The following INSR variants were observed in gnomAD, a reference collection of about 807,000 sequenced individuals.
INSR encodes the protein insulin receptor, also known as IR.
In INSR, 67 loss-of-function variants were observed where a neutral mutation model predicts 142.6. That is an observed-to-expected ratio of 0.47 (90% CI 0.39 to 0.58). The LOEUF is 0.58. Among genes scored for constraint, INSR ranks in the 20% least tolerant of loss-of-function variants. INSR has a pLI of 0.00. For synonymous variants in INSR, 756 were observed against 743.1 expected (o/e 1.02, Z -0.28); for missense variants, 1,248 against 1,833.2 (o/e 0.68, Z 5.83).
chr19:7,282,003 A>G (rs1026045851), intron 1 of INSR, among the ~76,000 whole-genome samples: 1 of 152,202 alleles, frequency 6.6e-6, no homozygotes, highest in Non-Finnish European at 1.5e-5. Flanking sequence ...AGGAGCTTAG[A>G]GCCAGTCTGT....
At chr19:7,117,535 G>A in intron 21 of INSR, 125 bp from the exon 22 acceptor site, 1 of 666,250 alleles carries the variant, frequency 1.5e-6, no homozygotes, top group Non-Finnish European at 2.6e-6. Flanking sequence ...GATGCTGGCT[G>A]TGTGTGTGGA....
chr19:7,148,659 G>T (rs1027245062), intron 11 of INSR, among the ~76,000 whole-genome samples: 1 of 150,192 alleles, frequency 6.7e-6, no homozygotes, highest in African/African-American at 2.5e-5. Context: ...TATATTTCTT[G>T]TAGTAACGGG....
chr19:7,290,271 T>TGGC (rs1968455222), intron 1 of INSR, among the ~76,000 whole-genome samples: 3 of 151,682 alleles, frequency 2.0e-5, no homozygotes, highest in African/African-American at 7.3e-5. Context: ...CCAGGCAGGG[T>TGGC]GGCGTGTGCC....
In INSR at chr19:7,122,721, G is replaced by C. The variant is rs1304803207; in HGVS notation, c.3422C>G (p.Ala1141Gly). Residue 1141 changes from alanine to glycine, a missense_variant, in exon 19 of 22, where the codon GCA becomes GGA. Around this residue, in one of 3 missense-constraint regions of INSR, gnomAD observed 1,069 missense variants for 1,654.0 expected, o/e 0.65. Coordinates refer to ENST00000302850, the MANE Select transcript of INSR (RefSeq NM_000208.4). ...PTLQEMIQMA[A>G]EIADGMAYLN... The stretch of plus-strand genomic sequence containing the variant: ...GTAGGCCATCCCGTCAGCAATCTCT[G>C]CCGCCATCTGAATCATCTCTTGAAG... The C allele has an allele frequency of 6.2e-7, 1 of 1,614,164 alleles. No individual in the cohort carries two copies. The highest frequency in any genetic ancestry group is 2.2e-5 in the East Asian group (1 of 44,880).
intron 2 of INSR, among the ~76,000 whole-genome samples, chr19:7,263,733 TCAGGCACAGC>T (rs911101848): frequency 1.2e-4 from 18 of 152,218 alleles, no homozygotes; most frequent in Middle Eastern, 3.4e-3. Flanking sequence ...ACTCAAAACA[TCAGGCACAGC>T]CAGGCACAGC....
intron 18 of INSR, 45 bp from the exon 19 acceptor site, chr19:7,122,818 C>T (rs375951871): frequency 1.4e-5 from 23 of 1,613,598 alleles, no homozygotes; most frequent in Middle Eastern, 1.7e-4. Flanking sequence ...CACTGGGATC[C>T]GAGGAGGCCA....
intron 4 of INSR, among the ~76,000 whole-genome samples, chr19:7,173,746 C>CAA (rs1974073308): frequency 6.6e-6 from 1 of 150,598 alleles, no homozygotes; most frequent in Admixed American, 6.7e-5. Flanking sequence ...CAGCCTCCTG[C>CAA]GTAGCTGGGA....
chr19:7,250,399 G>C (rs1357872352), intron 2 of INSR, among the ~76,000 whole-genome samples: 30 of 144,726 alleles, frequency 2.1e-4, no homozygotes, highest in Non-Finnish European at 6.0e-5. Context: ...GAGAAGGAAG[G>C]GAGGTAAGAA....
intron 21 of INSR, among the ~76,000 whole-genome samples, chr19:7,118,079 T>C (rs1972381530): frequency 6.6e-6 from 1 of 151,854 alleles, no homozygotes. Context: ...GCCTGAAAGA[T>C]GGTTTTGAAA....
At chr19:7,128,365 C>T (rs1439495474) in intron 15 of INSR, among the ~76,000 whole-genome samples, 2 of 151,944 alleles carry the variant, frequency 1.3e-5, no homozygotes, top group Non-Finnish European at 2.9e-5. Flanking sequence ...GCGCCCACCA[C>T]CATGCCCGGT....
intron 2 of INSR, among the ~76,000 whole-genome samples, chr19:7,218,684 GC>G (rs1975510431): frequency 6.6e-6 from 1 of 152,116 alleles, no homozygotes. Flanking sequence ...GGGATCAGAG[GC>G]ACCCGCTGCC....
chr19:7,256,836 AT>A (rs71177188), intron 2 of INSR, among the ~76,000 whole-genome samples: 23,407 of 148,124 alleles, frequency 0.16, 1,982 homozygotes, highest in South Asian at 0.24. Context: ...TCTCTCCTAG[AT>A]TTTTTTTTTA....
At chr19:7,272,299 C>T (rs555108255) in intron 1 of INSR, among the ~76,000 whole-genome samples, 9 of 151,944 alleles carry the variant, frequency 5.9e-5, no homozygotes, top group Non-Finnish European at 7.4e-5. Flanking sequence ...AGTGAGACTC[C>T]GTCTCTAAAT....
At chr19:7,273,436 T>C (rs1967978603) in intron 1 of INSR, among the ~76,000 whole-genome samples, 1 of 152,112 alleles carries the variant, frequency 6.6e-6, no homozygotes, top group Non-Finnish European at 1.5e-5. Context: ...GGGTACCTGG[T>C]TAATGGCCAC....
intron 1 of INSR, among the ~76,000 whole-genome samples, chr19:7,288,509 C>G (rs1968403217): frequency 6.6e-6 from 1 of 151,874 alleles, no homozygotes; most frequent in African/African-American, 2.4e-5. Context: ...CATGGTGGCA[C>G]CTGCCTGTGA....
chr19:7,218,686 A>T (rs1975510534), intron 2 of INSR, among the ~76,000 whole-genome samples: 1 of 152,044 alleles, frequency 6.6e-6, no homozygotes. Context: ...GATCAGAGGC[A>T]CCCGCTGCCA....
chr19:7,171,028 T>C (rs538997573), intron 5 of INSR, among the ~76,000 whole-genome samples: 2 of 151,982 alleles, frequency 1.3e-5, no homozygotes, highest in African/African-American at 2.4e-5. Flanking sequence ...TTTCTGCAAA[T>C]AGGGGAAATA....
intron 11 of INSR, among the ~76,000 whole-genome samples, chr19:7,149,294 C>T (rs1973261539): frequency 6.6e-6 from 1 of 152,078 alleles, no homozygotes; most frequent in Admixed American, 6.6e-5. Context: ...TTGCAAATGG[C>T]CACTAGAGGG....
chr19:7,115,165 T>C lies in INSR; in HGVS notation c.*1891A>G, dbSNP rs73923715. The C allele has an allele frequency of 6.6e-6, 1 of 152,350 alleles. No homozygotes were observed. The highest frequency in any genetic ancestry group is 2.4e-5 in the African/African-American group (1 of 41,578). 9.4% of individuals were successfully genotyped at this position (152,350 alleles called of 1,614,324 possible). On this transcript the variant is annotated 3_prime_UTR_variant, in exon 22 of 22. Transcript: ENST00000302850. ...TATCCCATTCTTAAGCCCACAACTC[T>C]TAAGAGAAGAAGAAAAGGAAGCAGT... is the stretch of plus-strand genomic sequence containing the variant.
Sources: allele counts gnomAD v4.1 joint callset (sites outside exome capture counted in the v4.1 genomes callset), GRCh38; gene constraint gnomAD v4.1.1; regional missense constraint gnomAD v4.1.1; transcripts MANE v1.5; gene names NCBI Gene and HGNC (gene_info 2026-07-23, HGNC 2026-07-21).